The following RABGAP1L variants were observed in gnomAD, a reference collection of about 807,000 sequenced individuals.
The protein encoded by RABGAP1L is RAB GTPase activating protein 1 like.
Under a neutral mutation model 137.7 loss-of-function variants are expected in RABGAP1L, and 63 were observed. The ratio of observed to expected loss-of-function variants is 0.46; its 90% confidence interval spans 0.37 to 0.56. RABGAP1L has a LOEUF of 0.56. Ranked by LOEUF, RABGAP1L falls within the 20% of genes least tolerant of loss-of-function variation. The pLI is 0.00. For missense variants in RABGAP1L, 1,095 were observed against 1,244.0 expected, an observed-to-expected ratio of 0.88 and a Z score of 1.80; for synonymous variants, 431 against 433.7, an observed-to-expected ratio of 0.99 and a Z score of 0.08.
intron 24 of RABGAP1L, among the ~76,000 whole-genome samples, chr1:174,983,256 C>G (rs772819008): frequency 1.3e-5 from 2 of 151,402 alleles, no homozygotes; most frequent in Non-Finnish European, 2.9e-5. Context: ...CAGTATGGGA[C>G]TCAGTAGGAT....
At chr1:174,463,837 G>C (rs1656995433) in intron 13 of RABGAP1L, among the ~76,000 whole-genome samples, 1 of 151,932 alleles carries the variant, frequency 6.6e-6, no homozygotes, top group Non-Finnish European at 1.5e-5. Context: ...ACAGATGTTG[G>C]TGAGGTTGCA....
At chr1:174,350,990 G>A (rs1683121673) in intron 11 of RABGAP1L, among the ~76,000 whole-genome samples, 1 of 126,382 alleles carries the variant, frequency 7.9e-6, no homozygotes, top group Non-Finnish European at 1.7e-5. Flanking sequence ...TGAGGCAGGA[G>A]AATCAGGCAG....
At chr1:174,975,637 C>T (rs536798638) in intron 21 of RABGAP1L, among the ~76,000 whole-genome samples, 10 of 152,306 alleles carry the variant, frequency 6.6e-5, no homozygotes, top group Non-Finnish European at 1.5e-4. Context: ...CCCCCATTCT[C>T]CACCAGTTGG....
chr1:174,805,753 CG>C (rs748160357), intron 18 of RABGAP1L, among the ~76,000 whole-genome samples: 6 of 152,284 alleles, frequency 3.9e-5, no homozygotes, highest in African/African-American at 1.2e-4. Flanking sequence ...TCACTCTCCT[CG>C]GCTTCCCAAA....
chr1:174,575,436 G>C (rs1668301082), intron 13 of RABGAP1L, among the ~76,000 whole-genome samples: 1 of 152,136 alleles, frequency 6.6e-6, no homozygotes, highest in Non-Finnish European at 1.5e-5. Flanking sequence ...AAGTAAGCCA[G>C]AAGGAACCTC....
At chr1:174,826,893 G>A (rs2148901129) in intron 19 of RABGAP1L, among the ~76,000 whole-genome samples, 1 of 152,268 alleles carries the variant, frequency 6.6e-6, no homozygotes, top group South Asian at 2.1e-4. Flanking sequence ...CTGATGATTA[G>A]TGATGATGAG....
In RABGAP1L at chr1:174,363,805, A is replaced by G. The variant is rs1244713526; in HGVS notation, c.1466-7174A>G. ...TTTTTCAGCATTAATTGAAATGCTC[A>G]TATGGTTTTTGTACTTCATTCTGTT... is the stretch of plus-strand genomic sequence containing the variant. On this transcript the variant is annotated intron_variant, in intron 11 of 25. Coordinates refer to ENST00000681986, the MANE Select transcript of RABGAP1L (RefSeq NM_001366446.1). 1.1e-3 allele frequency among the ~76,000 whole-genome samples: 163 copies of G among 144,086 alleles called. 1 individual carries two copies. The highest frequency in any genetic ancestry group is 0.011 in the Admixed American group (159 of 14,084). The allele number at this position is 144,086 out of a possible 152,430, so 94.5% of individuals were successfully genotyped here.
In RABGAP1L at chr1:174,448,601, T is replaced by C. The variant is rs924100685; in HGVS notation, c.1710+54456T>C. On this transcript the variant is annotated intron_variant, in intron 13 of 25. Coordinates refer to ENST00000681986, the MANE Select transcript of RABGAP1L (RefSeq NM_001366446.1). The surrounding 1 kb of genome is among the most constrained non-coding windows in gnomAD (Gnocchi z 4.2). ...TTGTCGCTTGAGAATTTGCATTATT[T>C]TGATCTGGATCTACTCCTGCCTAAT... is the stretch of plus-strand genomic sequence containing the variant. 8 of 1,614,110 alleles carry C rather than the reference T, an allele frequency of 5.0e-6. No homozygotes were observed. The highest frequency in any genetic ancestry group is 6.8e-6 in the Non-Finnish European group (8 of 1,179,946).
chr1:174,817,945 G>T (rs2148876640), intron 19 of RABGAP1L, among the ~76,000 whole-genome samples: 1 of 152,270 alleles, frequency 6.6e-6, no homozygotes, highest in South Asian at 2.1e-4. Context: ...TAAGCAACTT[G>T]GTGGAAATCA....
At chr1:174,919,362 G>A (rs959755604) in intron 19 of RABGAP1L, among the ~76,000 whole-genome samples, 1 of 152,144 alleles carries the variant, frequency 6.6e-6, no homozygotes, top group Non-Finnish European at 1.5e-5. Context: ...GAAGTGGGAT[G>A]TTTCAAAGAC....
At chr1:174,384,015 C>G (rs569938697) in intron 12 of RABGAP1L, among the ~76,000 whole-genome samples, 1 of 152,302 alleles carries the variant, frequency 6.6e-6, no homozygotes, top group African/African-American at 2.4e-5. Flanking sequence ...TCACCCCAAA[C>G]TGCAAACAAC....
rs756264752 is a variant in RABGAP1L at position 174,448,320 on chromosome 1, T to C, written c.1710+54175T>C. The C allele has an allele frequency of 1.9e-6, 3 of 1,613,654 alleles. No individual in the cohort carries two copies. Among genetic ancestry groups the C allele is most frequent in the South Asian group, 1.1e-5 (1 of 91,064 alleles). ...ATCTTTGTCTTTCATTGTGCTCCAC[T>C]GTTACATCATTATACTACCAGCTAT... is the stretch of plus-strand genomic sequence containing the variant. On this transcript the variant is annotated intron_variant, in intron 13 of 25. Coordinates refer to ENST00000681986, the MANE Select transcript of RABGAP1L (RefSeq NM_001366446.1). The surrounding 1 kb of genome is among the most constrained non-coding windows in gnomAD (Gnocchi z 4.2).
intron 19 of RABGAP1L, among the ~76,000 whole-genome samples, chr1:174,907,827 C>T (rs1350976734): frequency 6.6e-6 from 1 of 152,110 alleles, no homozygotes; most frequent in Non-Finnish European, 1.5e-5. Context: ...TCAATAATAA[C>T]ACTGAGTATA....
chr1:174,616,664 T>C (rs1671908026), intron 13 of RABGAP1L, among the ~76,000 whole-genome samples: 1 of 152,218 alleles, frequency 6.6e-6, no homozygotes. Flanking sequence ...TATGTCAGCT[T>C]AGTGATGGGA....
At chr1:174,556,816 A>G (rs1666911638) in intron 13 of RABGAP1L, among the ~76,000 whole-genome samples, 1 of 152,232 alleles carries the variant, frequency 6.6e-6, no homozygotes, top group African/African-American at 2.4e-5. Context: ...GGTGGTGAGA[A>G]GGAGGAATCT....
chr1:174,183,143 T>G (rs1389061484), intron 1 of RABGAP1L, among the ~76,000 whole-genome samples: 1 of 152,256 alleles, frequency 6.6e-6, no homozygotes, highest in Non-Finnish European at 1.5e-5. Flanking sequence ...GAAAAGTTGA[T>G]GTACTTCACA....
chr1:174,287,016 A>G (rs1676117631), intron 10 of RABGAP1L, among the ~76,000 whole-genome samples: 1 of 152,018 alleles, frequency 6.6e-6, no homozygotes. Context: ...CTGCTGTTGG[A>G]TAGGATGTTC....
At chr1:174,848,441 C>G (rs1006375668) in intron 19 of RABGAP1L, among the ~76,000 whole-genome samples, 1 of 145,980 alleles carries the variant, frequency 6.9e-6, no homozygotes, top group Non-Finnish European at 1.5e-5. Flanking sequence ...AGTTTTCCTT[C>G]TAACAGACAG....
rs1383677719 is a variant in RABGAP1L at position 174,978,797 on chromosome 1, T to C, written c.2650-10T>C. ...CTAAATCCTGATATTTCTCATTCTA[T>C]TCTTTCTAGCTAAAAGAAGTCTTCA... On this transcript the variant is annotated splice_polypyrimidine_tract_variant and intron_variant, in intron 22 of 25. Coordinates refer to ENST00000681986, the MANE Select transcript of RABGAP1L (RefSeq NM_001366446.1). 1.3e-6 allele frequency: 2 copies of C among 1,526,876 alleles called. No individual in the cohort carries two copies. Among genetic ancestry groups the C allele is most frequent in the Non-Finnish European group, 1.8e-6 (2 of 1,140,612 alleles). 94.6% of individuals were successfully genotyped at this position (1,526,876 alleles called of 1,614,324 possible).
Sources: gnomAD v4.1 joint callset for allele counts (sites outside exome capture counted in the v4.1 genomes callset) on GRCh38, gnomAD v4.1.1 for gene constraint, Gnocchi (gnomAD v3.1) non-coding constraint, MANE v1.5 for transcripts, NCBI Gene and HGNC (gene_info 2026-07-23, HGNC 2026-07-21) for gene names.